Variants in PTPRD observed in about 807,000 individuals in gnomAD.
PTPRD encodes protein tyrosine phosphatase receptor type D.
A neutral mutation model predicts 214.5 loss-of-function variants in PTPRD; 34 were observed. The observed-to-expected ratio is 0.16, with a 90% CI of 0.12 to 0.21. The LOEUF (loss-of-function observed/expected upper bound fraction) is 0.21, where lower values mean the gene tolerates loss of function less well. Among genes scored for constraint, PTPRD ranks in the 10% least tolerant of loss-of-function variants. The pLI is 1.00. For synonymous variants in PTPRD, 1,128 were observed against 845.7 expected, an observed-to-expected ratio of 1.33 and a Z score of -5.79; for missense variants, 2,545 against 2,398.7, an observed-to-expected ratio of 1.06 and a Z score of -1.27.
intron 4 of PTPRD, among the ~76,000 whole-genome samples, chr9:10,006,206 T>TACA (rs2096470612): frequency 6.6e-6 from 1 of 152,030 alleles, no homozygotes; most frequent in East Asian, 1.9e-4. Flanking sequence ...AATTTAATCA[T>TACA]TTTAATACAT....
At chr9:8,659,427 T>C (rs2096984765) in intron 12 of PTPRD, among the ~76,000 whole-genome samples, 1 of 152,214 alleles carries the variant, frequency 6.6e-6, no homozygotes, top group Non-Finnish European at 1.5e-5. Context: ...TTCCAACCTG[T>C]TGTTATCACC....
In PTPRD at chr9:9,302,849, C is replaced by T. The variant is rs191731770; in HGVS notation, c.-203+94600G>A. 6.6e-5 allele frequency among the ~76,000 whole-genome samples: 10 copies of T among 151,842 alleles called. No homozygotes were observed. The East Asian group carries it at 1.4e-3, about 21-fold the overall frequency. On this transcript the variant is annotated intron_variant, in intron 9 of 45. Coordinates refer to ENST00000381196, the MANE Select transcript of PTPRD (RefSeq NM_002839.4). ...ATTACCATTTTCCTTTAAAACCACC[C>T]GTAGTTTCTCATAGCAGTGTGATGT...
chr9:9,386,758 G>A (rs1227494260), intron 9 of PTPRD, among the ~76,000 whole-genome samples: 1 of 151,868 alleles, frequency 6.6e-6, no homozygotes, highest in African/African-American at 2.4e-5. Context: ...TCTGGATGGG[G>A]AAAAAAAGAT....
chr9:8,346,480 G>C (rs1473186198), intron 39 of PTPRD, among the ~76,000 whole-genome samples: 4 of 152,098 alleles, frequency 2.6e-5, no homozygotes, highest in Non-Finnish European at 1.5e-5. Context: ...GAAAATTCCA[G>C]AAATAAGTTT....
intron 7 of PTPRD, among the ~76,000 whole-genome samples, chr9:9,706,326 A>G (rs918473440): frequency 6.6e-6 from 1 of 152,180 alleles, no homozygotes; most frequent in Non-Finnish European, 1.5e-5. Flanking sequence ...TCATACGTAC[A>G]TTGATTTATT....
intron 39 of PTPRD, among the ~76,000 whole-genome samples, chr9:8,364,604 CT>C (rs1422019680): frequency 6.6e-6 from 1 of 152,144 alleles, no homozygotes; most frequent in Non-Finnish European, 1.5e-5. Context: ...AGAGCAGGGC[CT>C]GCCAAGACAG....
At chr9:9,742,830 A>C (rs527258880) in intron 6 of PTPRD, among the ~76,000 whole-genome samples, 1 of 152,166 alleles carries the variant, frequency 6.6e-6, no homozygotes, top group South Asian at 2.1e-4. Context: ...TATCTGTGGG[A>C]TTAAATTCAA....
chr9:9,480,580 T>C (rs1381650848), intron 8 of PTPRD, among the ~76,000 whole-genome samples: 2 of 152,282 alleles, frequency 1.3e-5, no homozygotes, highest in Non-Finnish European at 2.9e-5. Flanking sequence ...TTGATGTTTA[T>C]AGTGTCTCTT....
chr9:9,780,018 A>G lies in PTPRD; in HGVS notation c.-367-13167T>C, dbSNP rs1170973178. 7.2e-5 allele frequency among the ~76,000 whole-genome samples: 11 copies of G among 152,238 alleles called. No homozygotes were observed. In the East Asian group the frequency reaches 2.1e-3, roughly 29 times the overall value. The stretch of plus-strand genomic sequence containing the variant: ...CGACATGGAATCAGCCTAGGTGTCC[A>G]TCAGTGGATTGGATTTCTTTTTTTA... On this transcript the variant is annotated intron_variant, in intron 5 of 45. Transcript: ENST00000381196.
intron 9 of PTPRD, among the ~76,000 whole-genome samples, chr9:9,347,775 G>A (rs1209609767): frequency 6.6e-6 from 1 of 152,158 alleles, no homozygotes; most frequent in Non-Finnish European, 1.5e-5. Flanking sequence ...GAAGCAAAGT[G>A]TAAGCAGTGT....
chr9:9,454,625 C>A (rs1315670988), intron 8 of PTPRD, among the ~76,000 whole-genome samples: 1 of 151,480 alleles, frequency 6.6e-6, no homozygotes, highest in Non-Finnish European at 1.5e-5. Context: ...TTCTCACATG[C>A]CAAAACCAAG....
At chr9:8,863,740 A>G (rs2098146819) in intron 11 of PTPRD, among the ~76,000 whole-genome samples, 1 of 152,184 alleles carries the variant, frequency 6.6e-6, no homozygotes, top group South Asian at 2.1e-4. Context: ...GTATAAACAC[A>G]TTTCTGTCAC....
chr9:9,821,324 T>C (rs1271912136), intron 5 of PTPRD, among the ~76,000 whole-genome samples: 1 of 152,192 alleles, frequency 6.6e-6, no homozygotes, highest in African/African-American at 2.4e-5. Flanking sequence ...AAATGTCAAA[T>C]GTAATTGAAT....
At chr9:9,610,884 A>G (rs2094476887) in intron 7 of PTPRD, among the ~76,000 whole-genome samples, 1 of 152,204 alleles carries the variant, frequency 6.6e-6, no homozygotes, top group South Asian at 2.1e-4. Context: ...TATTTCTGCT[A>G]AAACAACCCA....
At chr9:10,048,401 G>A (rs291255) in intron 3 of PTPRD, among the ~76,000 whole-genome samples, 1 of 152,098 alleles carries the variant, frequency 6.6e-6, no homozygotes, top group African/African-American at 2.4e-5. Context: ...TTCAACTTCG[G>A]TGTAAATGCT....
At chr9:8,652,679 C>A (rs994076856) in intron 12 of PTPRD, among the ~76,000 whole-genome samples, 1 of 152,142 alleles carries the variant, frequency 6.6e-6, no homozygotes, top group Non-Finnish European at 1.5e-5. Context: ...GGCCTTTTTG[C>A]ACCACTCTAA....
intron 2 of PTPRD, among the ~76,000 whole-genome samples, chr9:10,435,664 G>GA (rs1454273948): frequency 5.3e-5 from 8 of 151,744 alleles, no homozygotes; most frequent in African/African-American, 1.9e-4. Flanking sequence ...AGCACAGCAG[G>GA]AAAAATGAAT....
chr9:9,101,210 T>A (rs1027700935), intron 10 of PTPRD, among the ~76,000 whole-genome samples: 2 of 151,764 alleles, frequency 1.3e-5, no homozygotes, highest in Admixed American at 6.6e-5. Context: ...CAAAAAAAAA[T>A]GCTCATTATA....
At chr9:8,607,785 TAATA>T (rs773270237) in intron 14 of PTPRD, among the ~76,000 whole-genome samples, 4 of 152,236 alleles carry the variant, frequency 2.6e-5, no homozygotes, top group Admixed American at 6.5e-5. Context: ...AATAGTCACT[TAATA>T]AATAAACACA....
Sources: allele counts gnomAD v4.1 joint callset (sites outside exome capture counted in the v4.1 genomes callset), GRCh38; gene constraint gnomAD v4.1.1; transcripts MANE v1.5; gene names NCBI Gene and HGNC (gene_info 2026-07-23, HGNC 2026-07-21).